CAMK2A: variants seen among roughly 807,000 people sequenced by gnomAD.
CAMK2A encodes calcium/calmodulin-dependent protein kinase type II subunit alpha.
A neutral mutation model predicts 79.2 loss-of-function variants in CAMK2A; 7 were observed. That is an observed-to-expected ratio of 0.09 (90% CI 0.05 to 0.17). The LOEUF (loss-of-function observed/expected upper bound fraction) is 0.17, where lower values mean the gene tolerates loss of function less well. Among genes scored for constraint, CAMK2A ranks in the 10% least tolerant of loss-of-function variants. The probability of loss-of-function intolerance (pLI) is 1.00; values close to 1 mark genes in which losing one functional copy is unlikely to be tolerated. For missense variants in CAMK2A, 214 were observed against 646.4 expected (o/e 0.33, Z 7.25); for synonymous variants, 242 against 251.7 (o/e 0.96, Z 0.36).
chr5:150,247,241 G>C (rs537522157), intron 12 of CAMK2A, among the ~76,000 whole-genome samples: 1 of 152,324 alleles, frequency 6.6e-6, no homozygotes, highest in East Asian at 1.9e-4. Flanking sequence ...CTGAATGCAG[G>C]CTCTGCCTCT....
chr5:150,280,731 C>T (rs1250019189), intron 1 of CAMK2A, among the ~76,000 whole-genome samples: 1 of 152,070 alleles, frequency 6.6e-6, no homozygotes, highest in Non-Finnish European at 1.5e-5. Flanking sequence ...CTGAACACAG[C>T]TTTGAGCTCG....
chr5:150,250,440 A>G (rs1342163922), intron 10 of CAMK2A, 131 bp from the exon 11 acceptor site: 14 of 847,312 alleles, frequency 1.7e-5, no homozygotes, highest in Non-Finnish European at 2.7e-5. Flanking sequence ...TCATTGCTCT[A>G]GGAGATGCTT....
intron 7 of CAMK2A, among the ~76,000 whole-genome samples, chr5:150,252,509 G>C (rs959839024): frequency 6.6e-6 from 1 of 152,206 alleles, no homozygotes; most frequent in African/African-American, 2.4e-5. Flanking sequence ...TTGGTCATGG[G>C]ATGTCGGGAG....
At chr5:150,287,900 T>C (rs1360399128) in intron 1 of CAMK2A, among the ~76,000 whole-genome samples, 32 of 151,794 alleles carry the variant, frequency 2.1e-4, no homozygotes, top group Admixed American at 2.1e-3. Context: ...GGGGTATATG[T>C]GCTCAAGGGA....
Position 150,268,953 on chromosome 5 carries a change from T to TG in CAMK2A, c.158-3939dup, listed in dbSNP as rs1188254894. Among the ~76,000 whole-genome samples, 3 of 151,454 alleles carry TG rather than the reference T, an allele frequency of 2.0e-5. No individual in the cohort carries two copies. The South Asian group carries it at 6.3e-4, about 32-fold the overall frequency. ...TAATTTTTTATATTTTTAATAGAGA[T>TG]GGGGGTCTCACCATGTTGCTCAGGC... is the stretch of plus-strand genomic sequence containing the variant. On this transcript the variant is annotated intron_variant, in intron 2 of 18. Transcript: ENST00000671881.
chr5:150,248,297 CT>C (rs1192368436), intron 11 of CAMK2A, among the ~76,000 whole-genome samples: 5,319 of 140,616 alleles, frequency 0.038, 325 homozygotes, highest in African/African-American at 0.13. Flanking sequence ...AGGATTTTCT[CT>C]TTTTTTTTTT....
In CAMK2A at chr5:150,284,454, C is replaced by A. The variant is rs570704130; in HGVS notation, c.62+5110G>T. 7.2e-6 allele frequency among the ~76,000 whole-genome samples: 1 copy of A among 139,574 alleles called. No individual in the cohort carries two copies. The highest frequency in any genetic ancestry group is 2.6e-4 in the South Asian group (1 of 3,808). The allele number at this position is 139,574 out of a possible 152,430, so 91.6% of individuals were successfully genotyped here. Reference sequence around the variant, plus strand: ...GCCATGGCCCAGACTGCAGGGCATGCTGGCAGCAGTGTCACTGTGTGCTTG... The same window carrying A: ...GCCATGGCCCAGACTGCAGGGCATGATGGCAGCAGTGTCACTGTGTGCTTG... On this transcript the variant is annotated intron_variant, in intron 1 of 18. Transcript: ENST00000671881. This position sits in a 1 kb window ranked among gnomAD's most constrained non-coding sequence, Gnocchi z 5.3.
At chr5:150,224,418 A>G (rs1362437639) in intron 17 of CAMK2A, among the ~76,000 whole-genome samples, 1 of 152,010 alleles carries the variant, frequency 6.6e-6, no homozygotes, top group Non-Finnish European at 1.5e-5. Context: ...CTCCTTCCCT[A>G]CCACTTGATC....
rs61710666 is a variant in CAMK2A at position 150,284,953 on chromosome 5, TCCAGAGGTATTATGATCC to T, written c.62+4593_62+4610del. 0.18 allele frequency among the ~76,000 whole-genome samples: 27,957 copies of T among 152,116 alleles called. 3,375 individuals carry two copies. The highest frequency in any genetic ancestry group is 0.33 in the African/African-American group (13,671 of 41,470). On this transcript the variant is annotated intron_variant, in intron 1 of 18. Transcript: ENST00000671881. This position sits in a 1 kb window ranked among gnomAD's most constrained non-coding sequence, Gnocchi z 5.3. ...TCTCTAATGGGGCATTGCAGGCATC[TCCAGAGGTATTATGATCC>T]CCATTTTACAGATGGTAAAGCCGAG... is the stretch of plus-strand genomic sequence containing the variant.
chr5:150,247,710 G>T, intron 12 of CAMK2A, 62 bp downstream of exon 12: 2 of 1,388,154 alleles, frequency 1.4e-6, no homozygotes, highest in East Asian at 2.3e-5. Flanking sequence ...ATATCTGACA[G>T]GACGGTGCCC....
At chr5:150,278,106 G>A (rs1351053166) in intron 1 of CAMK2A, among the ~76,000 whole-genome samples, 12 of 152,146 alleles carry the variant, frequency 7.9e-5, no homozygotes, top group Non-Finnish European at 1.6e-4. Flanking sequence ...CCTGTTAGAG[G>A]GCAATAATAG....
At chr5:150,237,556 G>A (rs918944061) in intron 15 of CAMK2A, among the ~76,000 whole-genome samples, 4 of 152,082 alleles carry the variant, frequency 2.6e-5, no homozygotes, top group African/African-American at 9.7e-5. Flanking sequence ...TCCCACCACC[G>A]AGGCCTTCAG....
rs950978014 is a variant in CAMK2A, at chr5:150,220,693, GGGGCAGGCCAAGAGCCTGCCCCTGGGCCT to G, written c.*1988_*2016del. 4 of 151,204 alleles carry G rather than the reference GGGGCAGGCCAAGAGCCTGCCCCTGGGCCT, an allele frequency of 2.6e-5. No homozygotes were observed. The highest frequency in any genetic ancestry group is 9.7e-5 in the African/African-American group (4 of 41,352). The allele number at this position is 151,204 out of a possible 1,614,324, so 9.4% of individuals were successfully genotyped here. A position where few individuals can be genotyped will look rare whatever the true frequency, so the allele number is the denominator to read the frequency against. ...CCTTACTGGGAAGCCCTCTGGGCCT[GGGGCAGGCCAAGAGCCTGCCCCTGGGCCT>G]GGGCAGCAAGGTCTCTGCCAAGGAC... is the stretch of plus-strand genomic sequence containing the variant. On this transcript the variant is annotated 3_prime_UTR_variant, in exon 19 of 19. Transcript: ENST00000671881.
intron 7 of CAMK2A, 32 bp downstream of exon 7, chr5:150,253,412 C>T (rs1403104028): frequency 1.3e-6 from 2 of 1,525,548 alleles, no homozygotes; most frequent in Non-Finnish European, 1.8e-6. Context: ...GGGTGCTGAC[C>T]CCCAACACTT....
At chr5:150,226,193 A>G (rs1205371564) in intron 17 of CAMK2A, among the ~76,000 whole-genome samples, 1 of 152,112 alleles carries the variant, frequency 6.6e-6, no homozygotes, top group Non-Finnish European at 1.5e-5. Flanking sequence ...CCAGGGTAGG[A>G]GTGTCAGTCC....
chr5:150,251,103 A>G (rs7727996), intron 9 of CAMK2A, among the ~76,000 whole-genome samples: 151,765 of 152,382 alleles, frequency 1, 75,576 homozygotes, highest in Middle Eastern at 1. Flanking sequence ...AAAGGCCTGG[A>G]TTCAAGTCCT....
At chr5:150,232,211 C>T (rs1754872361) in intron 15 of CAMK2A, among the ~76,000 whole-genome samples, 1 of 152,184 alleles carries the variant, frequency 6.6e-6, no homozygotes, top group African/African-American at 2.4e-5. Flanking sequence ...CTGTCCAGGT[C>T]CTCAAGCTGT....
intron 17 of CAMK2A, among the ~76,000 whole-genome samples, chr5:150,226,634 G>C (rs1754608062): frequency 6.7e-6 from 1 of 148,928 alleles, no homozygotes; most frequent in Non-Finnish European, 1.5e-5. Context: ...CTACTCAGGA[G>C]GCTGAGGCAG....
Position 150,253,466 on chromosome 5 carries a change from C to T in CAMK2A, c.492G>A (p.Glu164=). The T allele has an allele frequency of 1.2e-6, 2 of 1,614,200 alleles. No homozygotes were observed. The highest frequency in any genetic ancestry group is 3.3e-4 in the Middle Eastern group (2 of 6,060). The stretch of plus-strand genomic sequence containing the variant: ...TACCAAACCATGCCTGCTGCTCCCC[C>T]TCCACCTCTATGGCCAGGCCAAAGT... ...LADFGLAIEV[E]GEQQAWFGFA... is the part of the protein sequence containing the mutation. The change falls in exon 7 of 19, where the codon GAG becomes GAA. Residue 164 remains glutamate (E), a synonymous_variant. Coordinates refer to ENST00000671881, the MANE Select transcript of CAMK2A (RefSeq NM_015981.4).
Sources: gnomAD v4.1 joint callset for allele counts (sites outside exome capture counted in the v4.1 genomes callset) on GRCh38, gnomAD v4.1.1 for gene constraint, Gnocchi (gnomAD v3.1) non-coding constraint, MANE v1.5 for transcripts, NCBI Gene and HGNC (gene_info 2026-07-23, HGNC 2026-07-21) for gene names.